CCDC30: variants seen among roughly 807,000 people sequenced by gnomAD.
CCDC30 encodes the protein coiled-coil domain-containing protein 30.
Under a neutral mutation model 100.2 loss-of-function variants are expected in CCDC30, and 70 were observed. The ratio of observed to expected loss-of-function variants is 0.70; its 90% CI spans 0.58 to 0.85. CCDC30 has a LOEUF of 0.85. CCDC30 is among the 40% of genes least tolerant of loss of function. The pLI is 0.00. For synonymous variants in CCDC30, 233 were observed against 269.5 expected, an observed-to-expected ratio of 0.86 and a Z score of 1.33; for missense variants, 652 against 771.2, an observed-to-expected ratio of 0.85 and a Z score of 1.83.
chr1:42,580,869 G>C (rs1645949978), intron 8 of CCDC30: 1 of 456,152 alleles, frequency 2.2e-6, no homozygotes, highest in Non-Finnish European at 4.4e-6. Context: ...GGAGAAACTA[G>C]GTGCACTCAC....
At chr1:42,576,240 T>C (rs569061592) in intron 7 of CCDC30, among the ~76,000 whole-genome samples, 6 of 152,322 alleles carry the variant, frequency 3.9e-5, no homozygotes, top group African/African-American at 1.2e-4. Flanking sequence ...AGGCTAGAGA[T>C]GATGCCCCAG....
rs1169608238 is a variant in CCDC30, at chr1:42,480,442, CTTTCTT to C, written c.-91-12_-91-7del. On this transcript the variant is annotated splice_polypyrimidine_tract_variant and intron_variant, in intron 1 of 16. Coordinates refer to ENST00000668663, the Ensembl canonical transcript of CCDC30. ...TTAGTTGAAGATTTAAACATTTTCT[CTTTCTT>C]TTTCTTGTCCAGGTTGGAGTGCTGG... 1 of 156,510 alleles carries C rather than the reference CTTTCTT, an allele frequency of 6.4e-6. No individual in the cohort carries two copies. The highest frequency in any genetic ancestry group is 2.4e-5 in the African/African-American group (1 of 41,482). 9.7% of individuals were successfully genotyped at this position (156,510 alleles called of 1,614,324 possible).
intron 6 of CCDC30, among the ~76,000 whole-genome samples, chr1:42,503,853 C>A (rs1431752099): frequency 2.6e-5 from 4 of 152,134 alleles, no homozygotes; most frequent in Non-Finnish European, 5.9e-5. Flanking sequence ...GGAGTGGTAA[C>A]CCTAACTGTG....
chr1:42,513,486 G>A (rs1041149648), intron 6 of CCDC30, among the ~76,000 whole-genome samples: 1 of 152,192 alleles, frequency 6.6e-6, no homozygotes, highest in African/African-American at 2.4e-5. Flanking sequence ...CAAAGAGAAG[G>A]GAAGATGGAG....
intron 6 of CCDC30, among the ~76,000 whole-genome samples, chr1:42,562,640 C>T (rs554129736): frequency 6.6e-6 from 1 of 152,164 alleles, no homozygotes; most frequent in South Asian, 2.1e-4. Context: ...TTCTGCACAG[C>T]AAAAGAAACT....
At chr1:42,608,632 G>C (rs1389903396) in intron 10 of CCDC30, among the ~76,000 whole-genome samples, 2 of 151,106 alleles carry the variant, frequency 1.3e-5, no homozygotes, top group African/African-American at 4.9e-5. Flanking sequence ...GTGAACCCGG[G>C]AGGCGGAACT....
At chr1:42,553,652 T>TACACACACACACACACACAC (rs60429759) in intron 6 of CCDC30, among the ~76,000 whole-genome samples, 1 of 133,832 alleles carries the variant, frequency 7.5e-6, no homozygotes, top group Non-Finnish European at 1.6e-5. Flanking sequence ...TGAGATTCCA[T>TACACACACACACACACACAC]ACACACACAC....
upstream of CCDC30, chr1:42,463,203 A>G (rs1643458537): frequency 6.6e-6 from 1 of 152,256 alleles, no homozygotes; most frequent in South Asian, 2.1e-4. Flanking sequence ...CACAAGAACC[A>G]CAGTCTCTGG....
chr1:42,598,195 A>G (rs1646331238), intron 10 of CCDC30, among the ~76,000 whole-genome samples: 1 of 150,314 alleles, frequency 6.7e-6, no homozygotes, highest in Admixed American at 6.7e-5. Flanking sequence ...ACCAACCTAG[A>G]ATTCTGTACC....
At chr1:42,473,267 A>G in intron 1 of CCDC30, 22 of 1,231,612 alleles carry the variant, frequency 1.8e-5, no homozygotes, top group Non-Finnish European at 2.2e-5. Flanking sequence ...CAGATGTAGA[A>G]GAGCTTATAG....
chr1:42,570,535 T>C (rs1165317048), intron 7 of CCDC30, among the ~76,000 whole-genome samples: 1 of 151,954 alleles, frequency 6.6e-6, no homozygotes, highest in African/African-American at 2.4e-5. Flanking sequence ...GCCAGCACAC[T>C]AGTGGCCCCT....
At chr1:42,501,831 G>T (rs1448943307) in intron 6 of CCDC30, among the ~76,000 whole-genome samples, 1 of 152,132 alleles carries the variant, frequency 6.6e-6, no homozygotes, top group Non-Finnish European at 1.5e-5. Context: ...GTCTCAGAGG[G>T]GCACCCGGCC....
intron 13 of CCDC30, among the ~76,000 whole-genome samples, chr1:42,644,170 T>G (rs755807216): frequency 1.2e-4 from 19 of 152,108 alleles, no homozygotes; most frequent in Non-Finnish European, 1.9e-4. Flanking sequence ...GTTTATTAAG[T>G]ATTAACTTAC....
chr1:42,546,207 G>A (rs1268884514), intron 6 of CCDC30, among the ~76,000 whole-genome samples: 1 of 150,142 alleles, frequency 6.7e-6, no homozygotes, highest in Non-Finnish European at 1.5e-5. Flanking sequence ...CCAACATGGA[G>A]AAACCCCATC....
Position 42,536,620 on chromosome 1 carries a change from C to G in CCDC30, c.457-29676C>G, listed in dbSNP as rs1569954953. ...AAGTGAGGTATTACCATTCAGGAAG[C>G]TGTTTTCTTCTTCTTGTAGTTCTAA... On this transcript the variant is annotated intron_variant, in intron 6 of 16. Transcript: ENST00000668663. 6.7e-7 allele frequency: 1 copy of G among 1,483,178 alleles called. No individual in the cohort carries two copies. Among genetic ancestry groups the G allele is most frequent in the African/African-American group, 1.4e-5 (1 of 71,786 alleles). The allele number at this position is 1,483,178 out of a possible 1,614,324, so 91.9% of individuals were successfully genotyped here.
the CCDC30 span, chr1:42,456,269 G>A: frequency 1.7e-6 from 1 of 599,020 alleles, no homozygotes; most frequent in Non-Finnish European, 3.0e-6. Flanking sequence ...CCGTACAGTG[G>A]CCGGTAAGGG....
chr1:42,476,677 T>C lies in CCDC30; in HGVS notation c.-91-3784T>C, dbSNP rs555419477. Among the ~76,000 whole-genome samples the C allele has an allele frequency of 3.6e-3, 528 of 147,140 alleles. 3 individuals carry two copies. Among genetic ancestry groups the C allele is most frequent in the African/African-American group, 0.013 (507 of 39,896 alleles). On this transcript the variant is annotated intron_variant, in intron 1 of 16. Coordinates refer to ENST00000668663, the Ensembl canonical transcript of CCDC30. ...TGCACTCCAGCCTGGGCAAAAGGAG[T>C]GAAACTCCTTCTCAAAAAAAAAAAA...
intron 10 of CCDC30, among the ~76,000 whole-genome samples, chr1:42,602,057 G>A (rs1449385578): frequency 1.3e-5 from 2 of 151,976 alleles, no homozygotes; most frequent in East Asian, 3.9e-4. Context: ...TGGACTAAAG[G>A]CTCTTGACAG....
At chr1:42,518,316 A>T (rs1644586110) in intron 6 of CCDC30, among the ~76,000 whole-genome samples, 2 of 152,136 alleles carry the variant, frequency 1.3e-5, no homozygotes, top group Admixed American at 1.3e-4. Context: ...TGTTGACTTC[A>T]TGTCCTACTA....
Sources: allele counts gnomAD v4.1 joint callset (sites outside exome capture counted in the v4.1 genomes callset), GRCh38; gene constraint gnomAD v4.1.1; transcripts MANE v1.5; gene names NCBI Gene and HGNC (gene_info 2026-07-23, HGNC 2026-07-21).